Variants in MACROD2 observed in about 807,000 individuals in gnomAD.
MACROD2 encodes mono-ADP ribosylhydrolase 2, also known as ADP-ribose glycohydrolase MACROD2.
In MACROD2, 36 loss-of-function variants were observed where a neutral mutation model predicts 70.4. That is an observed-to-expected ratio of 0.51 (90% CI 0.39 to 0.68). The LOEUF (loss-of-function observed/expected upper bound fraction) is 0.68, where lower values mean the gene tolerates loss of function less well. MACROD2 is among the 30% of genes least tolerant of loss of function. The probability of loss-of-function intolerance (pLI) is 0.00; values close to 1 mark genes in which losing one functional copy is unlikely to be tolerated. For synonymous variants in MACROD2, 172 were observed against 178.8 expected (o/e 0.96, Z 0.30); for missense variants, 496 against 538.4 (o/e 0.92, Z 0.78).
At chr20:15,622,659 C>G (rs200756) in intron 8 of MACROD2, among the ~76,000 whole-genome samples, 84,765 of 151,998 alleles carry the variant, frequency 0.56, 26,863 homozygotes, top group African/African-American at 0.89. Context: ...TTTATTTCTG[C>G]AGTTTCCCAT....
rs2053669804 is a variant in MACROD2, at chr20:14,059,637, A to T, written c.164-25984A>T. ...GTGGAGTGGTTCAGGGAGAGGGGTTAGCCAATGCCCTGATGAGGTTTCATT... is the reference window on the plus strand; with the variant it reads ...GTGGAGTGGTTCAGGGAGAGGGGTTTGCCAATGCCCTGATGAGGTTTCATT... On this transcript the variant is annotated intron_variant, in intron 2 of 17. Coordinates refer to ENST00000684519, the MANE Select transcript of MACROD2 (RefSeq NM_001351661.2). Among the ~76,000 whole-genome samples the T allele has an allele frequency of 2.0e-5, 3 of 152,342 alleles. No homozygotes were observed. The South Asian group carries it at 6.2e-4, about 32-fold the overall frequency.
chr20:15,253,679 A>G (rs974186288), intron 6 of MACROD2, among the ~76,000 whole-genome samples: 57 of 152,276 alleles, frequency 3.7e-4, no homozygotes, highest in African/African-American at 1.3e-3. Context: ...ATAACTATAG[A>G]TGCCTATGGG....
In MACROD2 at chr20:15,581,974, T is replaced by G. The variant is rs440319; in HGVS notation, c.645+82127T>G. On this transcript the variant is annotated intron_variant, in intron 8 of 17. Coordinates refer to ENST00000684519, the MANE Select transcript of MACROD2 (RefSeq NM_001351661.2). ...CCGTCTCTACTAAAAACACAAAAATTACCCAGGCATGATGGCGTGGACCTG... is the reference window on the plus strand; with the variant it reads ...CCGTCTCTACTAAAAACACAAAAATGACCCAGGCATGATGGCGTGGACCTG... 3.0e-3 allele frequency among the ~76,000 whole-genome samples: 452 copies of G among 152,056 alleles called. 1 individual carries two copies. In the Middle Eastern group the frequency reaches 0.034, roughly 11 times the overall value.
At chr20:15,007,660 C>G (rs1321548985) in intron 5 of MACROD2, among the ~76,000 whole-genome samples, 1 of 152,212 alleles carries the variant, frequency 6.6e-6, no homozygotes, top group East Asian at 1.9e-4. Flanking sequence ...GAGGATGAGA[C>G]TCTTTTCTGG....
At chr20:14,230,737 A>G (rs2081802763) in intron 3 of MACROD2, among the ~76,000 whole-genome samples, 2 of 141,544 alleles carry the variant, frequency 1.4e-5, no homozygotes, top group Non-Finnish European at 3.0e-5. Context: ...CTCCTTTTAC[A>G]AATCATGAAT....
intron 10 of MACROD2, among the ~76,000 whole-genome samples, chr20:15,899,744 G>T (rs757609664): frequency 3.3e-5 from 5 of 152,118 alleles, no homozygotes; most frequent in Non-Finnish European, 7.4e-5. Context: ...TACGTGGGAT[G>T]CTCATTCATC....
At chr20:14,659,130 G>A (rs1986109447) in intron 4 of MACROD2, among the ~76,000 whole-genome samples, 1 of 152,046 alleles carries the variant, frequency 6.6e-6, no homozygotes, top group African/African-American at 2.4e-5. Flanking sequence ...GGGAACCAAA[G>A]CCTTACAATA....
intron 15 of MACROD2, among the ~76,000 whole-genome samples, chr20:16,018,194 T>G (rs2066954795): frequency 6.6e-6 from 1 of 152,076 alleles, no homozygotes; most frequent in Non-Finnish European, 1.5e-5. Context: ...AGAGCAAAGG[T>G]GTAGAGAAAT....
chr20:15,470,579 C>T (rs1366616997), intron 7 of MACROD2, among the ~76,000 whole-genome samples: 1 of 152,136 alleles, frequency 6.6e-6, no homozygotes, highest in Non-Finnish European at 1.5e-5. Context: ...CTTTCTTGTC[C>T]TGCAGAGATA....
At chr20:15,667,148 CA>C (rs2049910307) in intron 8 of MACROD2, among the ~76,000 whole-genome samples, 1 of 152,086 alleles carries the variant, frequency 6.6e-6, no homozygotes, top group Admixed American at 6.6e-5. Flanking sequence ...TTTTGGCCAT[CA>C]GGGTGGATCC....
chr20:15,877,057 C>T (rs111805483), intron 9 of MACROD2, among the ~76,000 whole-genome samples: 16 of 152,164 alleles, frequency 1.1e-4, no homozygotes, highest in African/African-American at 3.4e-4. Flanking sequence ...GAAACCATTG[C>T]GTATTTGATC....
intron 4 of MACROD2, among the ~76,000 whole-genome samples, chr20:14,654,275 G>T (rs1057230152): frequency 9.2e-5 from 14 of 151,568 alleles, no homozygotes; most frequent in African/African-American, 3.4e-4. Flanking sequence ...GGCTAGTCTC[G>T]GTGGCTCACA....
intron 5 of MACROD2, among the ~76,000 whole-genome samples, chr20:15,026,267 A>C (rs1055094729): frequency 1.3e-5 from 2 of 152,158 alleles, no homozygotes; most frequent in Non-Finnish European, 2.9e-5. Context: ...TAAGGAAACA[A>C]GATTCTTTTC....
intron 5 of MACROD2, among the ~76,000 whole-genome samples, chr20:15,036,096 T>C (rs2123012085): frequency 6.6e-6 from 1 of 152,320 alleles, no homozygotes; most frequent in East Asian, 1.9e-4. Context: ...TGTATGAATT[T>C]GTCTGTGTAT....
At chr20:14,414,340 C>G (rs1408071720) in intron 3 of MACROD2, among the ~76,000 whole-genome samples, 1 of 152,104 alleles carries the variant, frequency 6.6e-6, no homozygotes, top group Non-Finnish European at 1.5e-5. Flanking sequence ...TTACTTTTCT[C>G]TTTTTCTCAC....
Position 13,995,701 on chromosome 20 carries a change from A to G in MACROD2, c.-63A>G. On this transcript the variant is annotated 5_prime_UTR_variant, in exon 1 of 18. Coordinates refer to ENST00000684519, the MANE Select transcript of MACROD2 (RefSeq NM_001351661.2). The surrounding 1 kb of genome is among the most constrained non-coding windows in gnomAD (Gnocchi z 4.3). ...CCCTCCCACCCCTCCCACTCCACAC[A>G]CACCCTGTTTGCCCGTGAGCCTGGG... 1 of 1,345,302 alleles carries G rather than the reference A, an allele frequency of 7.4e-7. No individual in the cohort carries two copies. The highest frequency in any genetic ancestry group is 1.0e-6 in the Non-Finnish European group (1 of 957,184). 83.3% of individuals were successfully genotyped at this position (1,345,302 alleles called of 1,614,324 possible). A position where few individuals can be genotyped will look rare whatever the true frequency, so the allele number is the denominator to read the frequency against.
chr20:15,681,724 C>T (rs1264174217), intron 8 of MACROD2, among the ~76,000 whole-genome samples: 1 of 152,034 alleles, frequency 6.6e-6, no homozygotes, highest in African/African-American at 2.4e-5. Flanking sequence ...ATTTTTTGTT[C>T]TCATTTAAAG....
At chr20:14,500,782 T>G (rs1167114074) in intron 4 of MACROD2, among the ~76,000 whole-genome samples, 1 of 152,228 alleles carries the variant, frequency 6.6e-6, no homozygotes, top group Non-Finnish European at 1.5e-5. Context: ...GGCAACCCTA[T>G]GCAGATTAAA....
At chr20:15,249,954 G>C (rs1308411530) in intron 6 of MACROD2, among the ~76,000 whole-genome samples, 1 of 152,214 alleles carries the variant, frequency 6.6e-6, no homozygotes, top group Non-Finnish European at 1.5e-5. Flanking sequence ...TAGGTACTGA[G>C]CTGTTAGTAT....
Sources: gnomAD v4.1 joint callset for allele counts (sites outside exome capture counted in the v4.1 genomes callset) on GRCh38, gnomAD v4.1.1 for gene constraint, Gnocchi (gnomAD v3.1) non-coding constraint, MANE v1.5 for transcripts, NCBI Gene and HGNC (gene_info 2026-07-23, HGNC 2026-07-21) for gene names.